ZBTB40: variants seen among roughly 807,000 people sequenced by gnomAD.
ZBTB40 encodes the protein zinc finger and BTB domain-containing protein 40.
A neutral mutation model predicts 117.5 loss-of-function variants in ZBTB40; 60 were observed. The ratio of observed to expected loss-of-function variants is 0.51; its 90% CI spans 0.41 to 0.63. ZBTB40 has a LOEUF of 0.63. ZBTB40 is among the 30% of genes least tolerant of loss of function. ZBTB40 has a pLI of 0.00. For synonymous variants in ZBTB40, 525 were observed against 577.1 expected (o/e 0.91, Z 1.29); for missense variants, 1,287 against 1,498.5 (o/e 0.86, Z 2.33).
rs1266726467 is a variant in ZBTB40 at position 22,513,808 on chromosome 1, GCTT to G, written c.2668+681_2668+683del. ...CAGACGTAAACTGCTTACTGGGAGA[GCTT>G]CTGAAAGAGACTGGCTAACCTCCTA... On this transcript the variant is annotated intron_variant, in intron 12 of 17. Coordinates refer to ENST00000375647, the MANE Select transcript of ZBTB40 (RefSeq NM_014870.4). The surrounding 1 kb of genome is among the most constrained non-coding windows in gnomAD (Gnocchi z 4.9). Among the ~76,000 whole-genome samples, 6 of 152,256 alleles carry G rather than the reference GCTT, an allele frequency of 3.9e-5. No individual in the cohort carries two copies. The highest frequency in any genetic ancestry group is 3.9e-4 in the Admixed American group (6 of 15,288).
chr1:22,505,981 C>A, intron 5 of ZBTB40, 68 bp from the exon 6 acceptor site: 1 of 1,554,952 alleles, frequency 6.4e-7, no homozygotes, highest in Non-Finnish European at 8.9e-7. Flanking sequence ...GCTAGGTTTT[C>A]CAGTAGTGTG....
intron 1 of ZBTB40, among the ~76,000 whole-genome samples, chr1:22,478,829 G>C (rs566189253): frequency 6.6e-6 from 1 of 152,168 alleles, no homozygotes; most frequent in African/African-American, 2.4e-5. Context: ...ATAATCTTAA[G>C]TGTTCTATTT....
At chr1:22,444,255 T>A (rs549692804) in intron 1 of ZBTB40, among the ~76,000 whole-genome samples, 1 of 151,812 alleles carries the variant, frequency 6.6e-6, no homozygotes, top group Non-Finnish European at 1.5e-5. Context: ...CTACTAAAAA[T>A]ATATATATAT....
intron 4 of ZBTB40, 93 bp from the exon 5 acceptor site, chr1:22,502,206 A>C: frequency 6.9e-7 from 1 of 1,443,522 alleles, no homozygotes; most frequent in Non-Finnish European, 9.5e-7. Context: ...AAATCACTTT[A>C]CTATTCTGTT....
intron 3 of ZBTB40, among the ~76,000 whole-genome samples, chr1:22,499,887 A>T (rs552146576): frequency 3.9e-5 from 6 of 152,234 alleles, no homozygotes; most frequent in Non-Finnish European, 5.9e-5. Flanking sequence ...TGTCTAGCTA[A>T]ATTTTGCTGT....
chr1:22,436,331 GA>G (rs1640670137), intron 1 of ZBTB40, among the ~76,000 whole-genome samples: 1 of 152,020 alleles, frequency 6.6e-6, no homozygotes, highest in Non-Finnish European at 1.5e-5. Flanking sequence ...CTAACATGGT[GA>G]AACCCTGTCT....
At chr1:22,504,355 T>C (rs1384520644) in intron 5 of ZBTB40, among the ~76,000 whole-genome samples, 1 of 152,200 alleles carries the variant, frequency 6.6e-6, no homozygotes, top group Non-Finnish European at 1.5e-5. Context: ...GTAATTACTA[T>C]AGCTGTCATT....
intron 1 of ZBTB40, among the ~76,000 whole-genome samples, chr1:22,444,823 A>G (rs967188010): frequency 2.6e-5 from 4 of 152,216 alleles, no homozygotes; most frequent in African/African-American, 9.6e-5. Flanking sequence ...GAATCTCTCA[A>G]GTCACCCGCT....
upstream of ZBTB40, among the ~76,000 whole-genome samples, chr1:22,449,841 A>G (rs1346619805): frequency 2.0e-5 from 3 of 152,130 alleles, no homozygotes; most frequent in Non-Finnish European, 2.9e-5. Flanking sequence ...GTGCCTGAAA[A>G]CTTATTCCTA....
intron 1 of ZBTB40, among the ~76,000 whole-genome samples, chr1:22,467,008 T>G (rs1641272029): frequency 6.6e-6 from 1 of 152,174 alleles, no homozygotes; most frequent in African/African-American, 2.4e-5. Context: ...TTCCATAATA[T>G]GGCTGTATGC....
chr1:22,465,939 C>T (rs1641244382), intron 1 of ZBTB40, among the ~76,000 whole-genome samples: 1 of 152,242 alleles, frequency 6.6e-6, no homozygotes, highest in South Asian at 2.1e-4. Flanking sequence ...ACTGGATCAG[C>T]TGCCACCATT....
rs759568111 is a variant in ZBTB40, at chr1:22,511,879, T to C, written c.2206T>C (p.Phe736Leu). The C allele has an allele frequency of 6.2e-7, 1 of 1,613,990 alleles. No individual in the cohort carries two copies. The highest frequency in any genetic ancestry group is 1.3e-5 in the African/African-American group (1 of 74,900). Residue 736 changes from phenylalanine (F) to leucine (L), a missense_variant, in exon 11 of 18, where the codon TTC becomes CTC. Transcript: ENST00000375647. ...CTCCCCAGACCCTGCCAAGAAGAGCTTCATCTGTAAGGCCTGCGACAAAAG... is the reference window on the plus strand; with the variant it reads ...CTCCCCAGACCCTGCCAAGAAGAGCCTCATCTGTAAGGCCTGCGACAAAAG... ...SASPDPAKKS[F>L]ICKACDKSFH...
intron 1 of ZBTB40, among the ~76,000 whole-genome samples, chr1:22,474,213 T>C (rs1427859377): frequency 2.0e-5 from 3 of 152,118 alleles, no homozygotes; most frequent in East Asian, 1.9e-4. Context: ...TCGCTCCAAA[T>C]CTTGGAGAGT....
intron 1 of ZBTB40, among the ~76,000 whole-genome samples, chr1:22,472,021 C>A (rs752994340): frequency 6.6e-6 from 1 of 152,152 alleles, no homozygotes; most frequent in Non-Finnish European, 1.5e-5. Flanking sequence ...GTAACCCACT[C>A]ACTTCTCAAG....
chr1:22,521,752 G>C, intron 15 of ZBTB40, 94 bp downstream of exon 15: 1 of 1,547,500 alleles, frequency 6.5e-7, no homozygotes, highest in South Asian at 1.1e-5. Flanking sequence ...ATAGTCTAGT[G>C]TGATGTGCAG....
At chr1:22,475,167 T>G (rs1341947604) in intron 1 of ZBTB40, among the ~76,000 whole-genome samples, 2 of 152,218 alleles carry the variant, frequency 1.3e-5, no homozygotes, top group African/African-American at 4.8e-5. Flanking sequence ...AAACTGTTTA[T>G]TGGGAGGCAA....
chr1:22,437,695 C>T (rs991342992), intron 1 of ZBTB40, among the ~76,000 whole-genome samples: 1 of 151,526 alleles, frequency 6.6e-6, no homozygotes, highest in African/African-American at 2.4e-5. Context: ...GCTGGGATTA[C>T]AGGCGTGAGC....
In ZBTB40 at chr1:22,501,610, A is replaced by G. The variant is rs755895543; in HGVS notation, c.950A>G (p.Gln317Arg). Reference protein sequence around the residue: ...QTVVSLLRLYQYSNPAVKTAL... With the variant: ...QTVVSLLRLYRYSNPAVKTAL... ...GTTGTGTCCCTGTTGAGGCTGTACC[A>G]ATATTCTAATCCTGCAGTAAAAACA... is the stretch of plus-strand genomic sequence containing the variant. The change falls in exon 4 of 18, where the codon CAA becomes CGA. Residue 317 changes from glutamine to arginine, a missense_variant. Around this residue, in one of 2 missense-constraint regions of ZBTB40, gnomAD observed 870 missense variants for 934.4 expected, o/e 0.93. Transcript: ENST00000375647. 6.2e-7 allele frequency: 1 copy of G among 1,614,178 alleles called. No homozygotes were observed. The highest frequency in any genetic ancestry group is 1.1e-5 in the South Asian group (1 of 91,080).
At chr1:22,474,399 C>A (rs1229057352) in intron 1 of ZBTB40, among the ~76,000 whole-genome samples, 1 of 152,160 alleles carries the variant, frequency 6.6e-6, no homozygotes, top group African/African-American at 2.4e-5. Context: ...GAGAACAGAC[C>A]AAATTACAGC....
Sources: allele counts gnomAD v4.1 joint callset (sites outside exome capture counted in the v4.1 genomes callset), GRCh38; gene constraint gnomAD v4.1.1; regional missense constraint gnomAD v4.1.1; non-coding constraint Gnocchi (gnomAD v3.1); transcripts MANE v1.5; gene names NCBI Gene and HGNC (gene_info 2026-07-23, HGNC 2026-07-21).